Variants in ARPC5 observed in about 807,000 individuals in gnomAD.
The protein encoded by ARPC5 is actin-related protein 2/3 complex subunit 5.
In ARPC5, 5 loss-of-function variants were observed where a neutral mutation model predicts 15.4. That is an observed-to-expected ratio of 0.32 (90% CI 0.17 to 0.68). The LOEUF (loss-of-function observed/expected upper bound fraction) is 0.68, where lower values mean the gene tolerates loss of function less well. Ranked by LOEUF, ARPC5 falls within the 30% of genes least tolerant of loss-of-function variation. The probability of loss-of-function intolerance (pLI) is 0.71; values close to 1 mark genes in which losing one functional copy is unlikely to be tolerated. For synonymous variants in ARPC5, 85 were observed against 72.2 expected, an observed-to-expected ratio of 1.18 and a Z score of -0.90; for missense variants, 138 against 192.8, an observed-to-expected ratio of 0.72 and a Z score of 1.68.
At chr1:183,630,207 G>C in intron 3 of ARPC5, 1 of 316,208 alleles carries the variant, frequency 3.2e-6, no homozygotes, top group Non-Finnish European at 5.7e-6. Flanking sequence ...CTTTTACAAA[G>C]TTTTGATTTA....
intron 1 of ARPC5, among the ~76,000 whole-genome samples, chr1:183,634,566 G>A (rs191551868): frequency 1.7e-3 from 253 of 152,268 alleles, no homozygotes; most frequent in Non-Finnish European, 2.2e-3. Context: ...TTCTAAAAAA[G>A]ATGTAATGCA....
chr1:183,630,077 G>A (rs1433877498), intron 3 of ARPC5, among the ~76,000 whole-genome samples: 6 of 152,128 alleles, frequency 3.9e-5, no homozygotes, highest in African/African-American at 1.4e-4. Context: ...CCTTTTAATG[G>A]TTGAATCATA....
At chr1:183,634,636 G>A (rs1315069261) in intron 1 of ARPC5, among the ~76,000 whole-genome samples, 1 of 152,182 alleles carries the variant, frequency 6.6e-6, no homozygotes, top group African/African-American at 2.4e-5. Flanking sequence ...GGAACTGACT[G>A]CCATATTTTA....
At position 183,624,447 on chromosome 1, in the gene ARPC5, C is replaced by T. The variant is rs1236665615; in HGVS notation, c.*3085G>A. The T allele has an allele frequency of 2.0e-5, 3 of 151,774 alleles. No individual in the cohort carries two copies. Among genetic ancestry groups the T allele is most frequent in the Non-Finnish European group, 4.4e-5 (3 of 67,960 alleles). 9.4% of individuals were successfully genotyped at this position (151,774 alleles called of 1,614,324 possible). Reference sequence around the variant, plus strand: ...AATGGCGTGAACCCAGGAGGCAGAGCTTGCAGTGAGCCGAGATCGCGCCAC... The same window carrying T: ...AATGGCGTGAACCCAGGAGGCAGAGTTTGCAGTGAGCCGAGATCGCGCCAC... On this transcript the variant is annotated 3_prime_UTR_variant, in exon 4 of 4. Coordinates refer to ENST00000359856, the MANE Select transcript of ARPC5 (RefSeq NM_005717.4).
intron 2 of ARPC5, chr1:183,631,177 A>T (rs1319053146): frequency 6.6e-6 from 1 of 152,268 alleles, no homozygotes; most frequent in Non-Finnish European, 1.5e-5. Flanking sequence ...ACAGACTATT[A>T]ACATAATTGA....
chr1:183,632,102 C>G (rs892586880), intron 2 of ARPC5: 3 of 152,104 alleles, frequency 2.0e-5, no homozygotes, highest in Non-Finnish European at 4.4e-5. Context: ...ATTATGTTAC[C>G]TAGATAATTA....
chr1:183,621,800 T>G lies in ARPC5; in HGVS notation c.*5732A>C, dbSNP rs1648945366. ...TGGCCAGAGGCAGAGGTCACTTTCA[T>G]TGCCATCTTGGATTTGGTGGGTTTT... On this transcript the variant is annotated 3_prime_UTR_variant, in exon 4 of 4. Coordinates refer to ENST00000359856, the MANE Select transcript of ARPC5 (RefSeq NM_005717.4). 6.6e-6 allele frequency: 1 copy of G among 152,284 alleles called. No individual in the cohort carries two copies. The highest frequency in any genetic ancestry group is 2.1e-4 in the South Asian group (1 of 4,832). The allele number at this position is 152,284 out of a possible 1,614,324, so 9.4% of individuals were successfully genotyped here. A position where few individuals can be genotyped will look rare whatever the true frequency, so the allele number is the denominator to read the frequency against.
Position 183,623,631 on chromosome 1 carries a change from T to A in ARPC5, c.*3901A>T. On this transcript the variant is annotated 3_prime_UTR_variant, in exon 4 of 4. Transcript: ENST00000359856. ...CTACAGAGGCCGTTGGTCTGTTCCT[T>A]AATTGGGTGTGTTTTTCAATTATTT... is the stretch of plus-strand genomic sequence containing the variant. 1 of 859,180 alleles carries A rather than the reference T, an allele frequency of 1.2e-6. No homozygotes were observed. The highest frequency in any genetic ancestry group is 1.8e-6 in the Non-Finnish European group (1 of 553,586). 53.2% of individuals were successfully genotyped at this position (859,180 alleles called of 1,614,324 possible). A position where few individuals can be genotyped will look rare whatever the true frequency, so the allele number is the denominator to read the frequency against.
chr1:183,624,845 G>A lies in ARPC5; in HGVS notation c.*2687C>T, dbSNP rs1206705848. The A allele has an allele frequency of 2.6e-5, 4 of 152,144 alleles. No individual in the cohort carries two copies. The East Asian group carries it at 7.7e-4, about 29-fold the overall frequency. The allele number at this position is 152,144 out of a possible 1,614,324, so 9.4% of individuals were successfully genotyped here. A position where few individuals can be genotyped will look rare whatever the true frequency, so the allele number is the denominator to read the frequency against. On this transcript the variant is annotated 3_prime_UTR_variant, in exon 4 of 4. Transcript: ENST00000359856. Reference sequence around the variant, plus strand: ...CCAATTAGGCTGAGAGCAAACTGGTGAACAAGATTCAGACCTTATTCTTCT... The same window carrying A: ...CCAATTAGGCTGAGAGCAAACTGGTAAACAAGATTCAGACCTTATTCTTCT...
chr1:183,626,328 G>C lies in ARPC5; in HGVS notation c.*1204C>G, dbSNP rs895043865. 6.6e-6 allele frequency: 1 copy of C among 152,236 alleles called. No homozygotes were observed. The highest frequency in any genetic ancestry group is 6.5e-5 in the Admixed American group (1 of 15,284). 9.4% of individuals were successfully genotyped at this position (152,236 alleles called of 1,614,324 possible). A position where few individuals can be genotyped will look rare whatever the true frequency, so the allele number is the denominator to read the frequency against. Reference sequence around the variant, plus strand: ...TCTGCACCAGTTTGCACATAAGTCAGTGATTACAAAACTGGCATCCAATGT... The same window carrying C: ...TCTGCACCAGTTTGCACATAAGTCACTGATTACAAAACTGGCATCCAATGT... On this transcript the variant is annotated 3_prime_UTR_variant, in exon 4 of 4. Transcript: ENST00000359856.
chr1:183,627,307 T>G lies in ARPC5; in HGVS notation c.*225A>C. ...GGTATAAACATCACTGAAATGGTTT[T>G]GAAAGGATGAAACACTTCTATTTTA... On this transcript the variant is annotated 3_prime_UTR_variant, in exon 4 of 4. Transcript: ENST00000359856. 2 of 568,798 alleles carry G rather than the reference T, an allele frequency of 3.5e-6. No individual in the cohort carries two copies. The highest frequency in any genetic ancestry group is 6.0e-5 in the East Asian group (2 of 33,252). The allele number at this position is 568,798 out of a possible 1,614,324, so 35.2% of individuals were successfully genotyped here. A position where few individuals can be genotyped will look rare whatever the true frequency, so the allele number is the denominator to read the frequency against.
At chr1:183,632,000 T>C (rs943759948) in intron 2 of ARPC5, 2 of 152,210 alleles carry the variant, frequency 1.3e-5, no homozygotes, top group African/African-American at 4.8e-5. Flanking sequence ...TTACCAGATT[T>C]AGAAAAATAT....
rs1649078349 is a variant in ARPC5 at position 183,625,746 on chromosome 1, T to TA, written c.*1785dup. 1 of 152,190 alleles carries TA rather than the reference T, an allele frequency of 6.6e-6. No homozygotes were observed. The highest frequency in any genetic ancestry group is 1.5e-5 in the Non-Finnish European group (1 of 68,028). The allele number at this position is 152,190 out of a possible 1,614,324, so 9.4% of individuals were successfully genotyped here. A position where few individuals can be genotyped will look rare whatever the true frequency, so the allele number is the denominator to read the frequency against. On this transcript the variant is annotated 3_prime_UTR_variant, in exon 4 of 4. Coordinates refer to ENST00000359856, the MANE Select transcript of ARPC5 (RefSeq NM_005717.4). Reference sequence around the variant, plus strand: ...ATATTTAAGAATAATACCTATTGCTTAGCTTATCTTCACCCATAGGACCCT... The same window carrying TA: ...ATATTTAAGAATAATACCTATTGCTTAAGCTTATCTTCACCCATAGGACCCT...
At chr1:183,630,207 G>T in intron 3 of ARPC5, 1 of 316,206 alleles carries the variant, frequency 3.2e-6, no homozygotes, top group Non-Finnish European at 5.7e-6. Context: ...CTTTTACAAA[G>T]TTTTGATTTA....
Position 183,623,369 on chromosome 1 carries a change from GATC to G in ARPC5, c.*4160_*4162del. On this transcript the variant is annotated 3_prime_UTR_variant, in exon 4 of 4. Coordinates refer to ENST00000359856, the MANE Select transcript of ARPC5 (RefSeq NM_005717.4). ...CTGTGTCCCATGTTGCTTGTGGTTG[GATC>G]ATCAATGTGGTGAAGTAGCACCACC... The G allele has an allele frequency of 1.3e-6, 2 of 1,528,214 alleles. No individual in the cohort carries two copies. Among genetic ancestry groups the G allele is most frequent in the South Asian group, 2.4e-5 (2 of 83,604 alleles). The allele number at this position is 1,528,214 out of a possible 1,614,324, so 94.7% of individuals were successfully genotyped here.
At chr1:183,628,172 C>CAAAA (rs3068220) in intron 3 of ARPC5, among the ~76,000 whole-genome samples, 1,016 of 46,024 alleles carry the variant, frequency 0.022, 149 homozygotes, top group Middle Eastern at 0.048. Context: ...GACTCCGTCT[C>CAAAA]AAAAAAAAAA....
chr1:183,633,668 A>G (rs1649331164), intron 1 of ARPC5: 1 of 152,266 alleles, frequency 6.6e-6, no homozygotes, highest in Non-Finnish European at 1.5e-5. Context: ...CAATCTCTCA[A>G]TATTGATGAA....
chr1:183,623,324 T>A lies in ARPC5; in HGVS notation c.*4208A>T. 8.8e-7 allele frequency: 1 copy of A among 1,136,036 alleles called. No homozygotes were observed. Among genetic ancestry groups the A allele is most frequent in the Non-Finnish European group, 1.3e-6 (1 of 777,302 alleles). 70.4% of individuals were successfully genotyped at this position (1,136,036 alleles called of 1,614,324 possible). A position where few individuals can be genotyped will look rare whatever the true frequency, so the allele number is the denominator to read the frequency against. On this transcript the variant is annotated 3_prime_UTR_variant, in exon 4 of 4. Transcript: ENST00000359856. ...AAGTAACAGAAATGATAAAGGAAAATAGAAATGTTAAAGTGAATGCTGTGT... is the reference window on the plus strand; with the variant it reads ...AAGTAACAGAAATGATAAAGGAAAAAAGAAATGTTAAAGTGAATGCTGTGT...
chr1:183,620,913 A>G lies in ARPC5; in HGVS notation c.*6619T>C, dbSNP rs1176537679. On this transcript the variant is annotated 3_prime_UTR_variant, in exon 4 of 4. Coordinates refer to ENST00000359856, the MANE Select transcript of ARPC5 (RefSeq NM_005717.4). ...TAAAGCGAAACTCAAAATGCAAGAAATATTTGACATTCCTGTTGAAAAGAG... is the reference window on the plus strand; with the variant it reads ...TAAAGCGAAACTCAAAATGCAAGAAGTATTTGACATTCCTGTTGAAAAGAG... 1 of 152,142 alleles carries G rather than the reference A, an allele frequency of 6.6e-6. No homozygotes were observed. Among genetic ancestry groups the G allele is most frequent in the Non-Finnish European group, 1.5e-5 (1 of 68,024 alleles). The allele number at this position is 152,142 out of a possible 1,614,324, so 9.4% of individuals were successfully genotyped here. A position where few individuals can be genotyped will look rare whatever the true frequency, so the allele number is the denominator to read the frequency against.
Sources: gnomAD v4.1 joint callset for allele counts (sites outside exome capture counted in the v4.1 genomes callset) on GRCh38, gnomAD v4.1.1 for gene constraint, MANE v1.5 for transcripts, NCBI Gene and HGNC (gene_info 2026-07-23, HGNC 2026-07-21) for gene names.